PRKG1: variants seen among roughly 807,000 people sequenced by gnomAD.
PRKG1 encodes cGMP-dependent protein kinase 1.
Under a neutral mutation model 88.1 loss-of-function variants are expected in PRKG1, and 35 were observed. That is an observed-to-expected ratio of 0.40 (90% CI 0.30 to 0.53). The LOEUF is 0.53. Among genes scored for constraint, PRKG1 ranks in the 20% least tolerant of loss-of-function variants. The pLI, the probability that PRKG1 is intolerant of heterozygous loss-of-function variation, is 0.59. For missense variants in PRKG1, 540 were observed against 839.8 expected, an observed-to-expected ratio of 0.64 and a Z score of 4.41; for synonymous variants, 303 against 292.5, an observed-to-expected ratio of 1.04 and a Z score of -0.37.
chr10:51,887,458 T>A (rs1841600320), intron 4 of PRKG1, among the ~76,000 whole-genome samples: 1 of 134,092 alleles, frequency 7.5e-6, no homozygotes, highest in African/African-American at 2.7e-5. Flanking sequence ...TATCATACAG[T>A]AGTTCTATTT....
chr10:51,960,725 G>A (rs978134844), intron 5 of PRKG1, among the ~76,000 whole-genome samples: 1 of 152,138 alleles, frequency 6.6e-6, no homozygotes, highest in African/African-American at 2.4e-5. Context: ...ACTGAAATGG[G>A]AGATGAATCA....
At chr10:51,660,579 A>G (rs1227938227) in intron 3 of PRKG1, among the ~76,000 whole-genome samples, 2 of 152,146 alleles carry the variant, frequency 1.3e-5, no homozygotes, top group Admixed American at 6.6e-5. Flanking sequence ...ATTCCTTCTC[A>G]TACTCATTTC....
intron 4 of PRKG1, among the ~76,000 whole-genome samples, chr10:51,889,074 T>TA (rs1841647254): frequency 2.0e-5 from 3 of 151,418 alleles, no homozygotes. Context: ...TTTTTTTTTT[T>TA]AATACTTTAA....
chr10:51,462,786 C>G (rs1449306847), intron 2 of PRKG1, among the ~76,000 whole-genome samples: 1 of 152,156 alleles, frequency 6.6e-6, no homozygotes, highest in African/African-American at 2.4e-5. Context: ...TTCAAATCTT[C>G]TCTCATACAA....
intron 2 of PRKG1, among the ~76,000 whole-genome samples, chr10:51,401,006 T>G (rs978117892): frequency 2.0e-5 from 3 of 152,162 alleles, no homozygotes; most frequent in Non-Finnish European, 4.4e-5. Context: ...AGTAAGCAGG[T>G]TTAAATAACT....
At chr10:52,166,072 G>C (rs1838427185) in intron 9 of PRKG1, among the ~76,000 whole-genome samples, 1 of 152,174 alleles carries the variant, frequency 6.6e-6, no homozygotes, top group Non-Finnish European at 1.5e-5. Context: ...TCCACTGAGG[G>C]CTTCTCTTTT....
chr10:52,259,286 T>G (rs1350582446), intron 10 of PRKG1, among the ~76,000 whole-genome samples: 1 of 152,086 alleles, frequency 6.6e-6, no homozygotes, highest in Non-Finnish European at 1.5e-5. Context: ...ATTTCTCTTC[T>G]GACAAAAGTA....
intron 9 of PRKG1, among the ~76,000 whole-genome samples, chr10:52,166,398 T>C (rs1458249037): frequency 6.6e-6 from 1 of 151,274 alleles, no homozygotes; most frequent in Non-Finnish European, 1.5e-5. Context: ...TAAGTTTTAA[T>C]AATTATTATG....
chr10:51,098,383 C>T, intron 1 of PRKG1, among the ~76,000 whole-genome samples: 1 of 152,088 alleles, frequency 6.6e-6, no homozygotes, highest in East Asian at 1.9e-4. Context: ...TTCCCGTGTC[C>T]CAGAGGTCCT....
intron 4 of PRKG1, among the ~76,000 whole-genome samples, chr10:51,889,627 C>T (rs548033199): frequency 5.9e-5 from 9 of 152,254 alleles, no homozygotes; most frequent in South Asian, 2.1e-4. Context: ...CTTGAGGAAT[C>T]GCCACACTCT....
chr10:51,549,117 TTTC>T (rs1296458013), intron 3 of PRKG1, among the ~76,000 whole-genome samples: 10 of 118,668 alleles, frequency 8.4e-5, no homozygotes, highest in African/African-American at 3.3e-4. Context: ...TTTCTTTTCT[TTTC>T]TTTTTTTTTT....
At chr10:51,228,519 A>C (rs999605024) in intron 2 of PRKG1, among the ~76,000 whole-genome samples, 8 of 152,158 alleles carry the variant, frequency 5.3e-5, no homozygotes, top group African/African-American at 1.9e-4. Context: ...TGATGGTGAT[A>C]ATTTTTACTG....
intron 3 of PRKG1, among the ~76,000 whole-genome samples, chr10:51,703,410 C>G (rs940703373): frequency 1.3e-5 from 2 of 152,154 alleles, no homozygotes; most frequent in Non-Finnish European, 2.9e-5. Flanking sequence ...CTTTCTATGA[C>G]CTTTCTACCC....
chr10:51,833,892 C>T (rs1228211621), intron 4 of PRKG1, among the ~76,000 whole-genome samples: 1 of 152,138 alleles, frequency 6.6e-6, no homozygotes. Flanking sequence ...AAACACCATT[C>T]TACTCTATGC....
At chr10:52,250,609 A>G (rs1353479782) in intron 9 of PRKG1, among the ~76,000 whole-genome samples, 1 of 152,194 alleles carries the variant, frequency 6.6e-6, no homozygotes, top group East Asian at 1.9e-4. Flanking sequence ...GCTGAAGGTC[A>G]CGGGTTATGC....
At chr10:51,861,924 C>G (rs1840885000) in intron 4 of PRKG1, among the ~76,000 whole-genome samples, 1 of 152,158 alleles carries the variant, frequency 6.6e-6, no homozygotes, top group Non-Finnish European at 1.5e-5. Context: ...TTGGCTCACA[C>G]TACCAGTCCT....
chr10:51,126,702 C>T (rs1176749343), intron 1 of PRKG1, among the ~76,000 whole-genome samples: 1 of 151,988 alleles, frequency 6.6e-6, no homozygotes, highest in Non-Finnish European at 1.5e-5. Flanking sequence ...CATCAGGCTA[C>T]CTGACTTCAA....
At chr10:51,245,042 G>A (rs1162861889) in intron 2 of PRKG1, 1 of 152,050 alleles carries the variant, frequency 6.6e-6, no homozygotes, top group Non-Finnish European at 1.5e-5. Context: ...CTGATTCACA[G>A]ACCTTCGCTT....
intron 3 of PRKG1, among the ~76,000 whole-genome samples, chr10:51,511,675 G>T (rs965950082): frequency 6.6e-6 from 1 of 152,164 alleles, no homozygotes; most frequent in Non-Finnish European, 1.5e-5. Context: ...GAGAAAGACT[G>T]GCTCTACCAA....
Sources: allele counts gnomAD v4.1 joint callset (sites outside exome capture counted in the v4.1 genomes callset), GRCh38; gene constraint gnomAD v4.1.1; transcripts MANE v1.5; gene names NCBI Gene and HGNC (gene_info 2026-07-23, HGNC 2026-07-21).